The following PTPRZ1 variants were observed in gnomAD, a reference collection of about 807,000 sequenced individuals.
PTPRZ1 encodes the protein protein tyrosine phosphatase receptor type Z1, also known as receptor-type tyrosine-protein phosphatase zeta.
A neutral mutation model predicts 214.1 loss-of-function variants in PTPRZ1; 82 were observed. That is an observed-to-expected ratio of 0.38 (90% CI 0.32 to 0.46). The LOEUF is 0.46. Among genes scored for constraint, PTPRZ1 ranks in the 20% least tolerant of loss-of-function variants. The pLI is 1.00. For missense variants in PTPRZ1, 2,603 were observed against 2,748.7 expected (o/e 0.95, Z 1.19); for synonymous variants, 945 against 987.9 (o/e 0.96, Z 0.81).
At chr7:121,943,160 C>T (rs1423375332) in intron 2 of PTPRZ1, among the ~76,000 whole-genome samples, 3 of 151,918 alleles carry the variant, frequency 2.0e-5, no homozygotes, top group African/African-American at 4.8e-5. Flanking sequence ...TCTTTACAAG[C>T]GTGCTTTGTA....
chr7:121,973,202 A>C (rs994165240), intron 4 of PTPRZ1, among the ~76,000 whole-genome samples: 1 of 152,120 alleles, frequency 6.6e-6, no homozygotes, highest in Non-Finnish European at 1.5e-5. Context: ...ATTTAGTCTA[A>C]AAATTTAAAA....
chr7:121,930,386 A>G (rs1317484933), intron 2 of PTPRZ1, among the ~76,000 whole-genome samples: 5 of 152,160 alleles, frequency 3.3e-5, no homozygotes, highest in African/African-American at 1.2e-4. Context: ...TTATTTTTCT[A>G]TGTAAACAAA....
intron 2 of PTPRZ1, among the ~76,000 whole-genome samples, chr7:121,947,806 G>A (rs535874708): frequency 1.3e-5 from 2 of 152,034 alleles, no homozygotes; most frequent in Non-Finnish European, 2.9e-5. Flanking sequence ...ATCTGGCATG[G>A]TAACATATCA....
intron 1 of PTPRZ1, among the ~76,000 whole-genome samples, chr7:121,900,015 T>C (rs1045338680): frequency 6.6e-6 from 1 of 152,182 alleles, no homozygotes; most frequent in East Asian, 1.9e-4. Flanking sequence ...ATAGATACTC[T>C]CATGGCTGAA....
intron 4 of PTPRZ1, among the ~76,000 whole-genome samples, chr7:121,974,191 C>T (rs1284463843): frequency 1.3e-5 from 2 of 152,080 alleles, no homozygotes; most frequent in African/African-American, 2.4e-5. Context: ...CATTCATTTA[C>T]AGCTTATACT....
At chr7:122,059,960 C>A in intron 29 of PTPRZ1, 72 bp downstream of exon 29, 1 of 1,435,872 alleles carries the variant, frequency 7.0e-7, no homozygotes, top group Non-Finnish European at 9.4e-7. Context: ...CTGCTGAAAT[C>A]TTATGTATCA....
At chr7:122,016,633 T>A (rs1483686758) in intron 12 of PTPRZ1, among the ~76,000 whole-genome samples, 1 of 151,876 alleles carries the variant, frequency 6.6e-6, no homozygotes, top group Admixed American at 6.6e-5. Flanking sequence ...GTGTATACAG[T>A]GTCTGTATAT....
At chr7:121,882,671 A>G (rs1384832249) in intron 1 of PTPRZ1, among the ~76,000 whole-genome samples, 1 of 152,188 alleles carries the variant, frequency 6.6e-6, no homozygotes, top group Non-Finnish European at 1.5e-5. Context: ...AGATCTCTTT[A>G]TTTCAGGAAG....
intron 8 of PTPRZ1, among the ~76,000 whole-genome samples, chr7:121,992,180 A>G (rs1228954856): frequency 6.6e-6 from 1 of 152,130 alleles, no homozygotes; most frequent in African/African-American, 2.4e-5. Context: ...GTATCAATCC[A>G]TATTTTACTC....
At chr7:121,882,248 T>C (rs1336425219) in intron 1 of PTPRZ1, among the ~76,000 whole-genome samples, 1 of 152,222 alleles carries the variant, frequency 6.6e-6, no homozygotes, top group East Asian at 1.9e-4. Flanking sequence ...GCTGAACTTT[T>C]ACAAGATAGA....
intron 1 of PTPRZ1, among the ~76,000 whole-genome samples, chr7:121,896,375 G>A (rs1002960018): frequency 6.6e-6 from 1 of 151,998 alleles, no homozygotes; most frequent in African/African-American, 2.4e-5. Context: ...TCTATTTTCT[G>A]TGTCTAAGAG....
At chr7:122,050,458 A>AGGGGAGGGGAGGGGAAGGAAGG (rs1395912924) in intron 23 of PTPRZ1, among the ~76,000 whole-genome samples, 21 of 4,956 alleles carry the variant, frequency 4.2e-3, no homozygotes, top group East Asian at 5.5e-3. Flanking sequence ...GGGAGGGAAA[A>AGGGGAGGGGAGGGGAAGGAAGG]GGAGAGGAGG....
chr7:121,896,269 A>T (rs1794781035), intron 1 of PTPRZ1, among the ~76,000 whole-genome samples: 1 of 152,172 alleles, frequency 6.6e-6, no homozygotes, highest in Non-Finnish European at 1.5e-5. Context: ...GTTGTACAGG[A>T]TCTAACTAGA....
intron 2 of PTPRZ1, among the ~76,000 whole-genome samples, chr7:121,964,693 A>G (rs1375466357): frequency 3.3e-5 from 5 of 152,174 alleles, no homozygotes; most frequent in Non-Finnish European, 7.3e-5. Flanking sequence ...GGAGAGGGCA[A>G]GGAGAGTTAC....
At chr7:121,935,407 G>C (rs1285773912) in intron 2 of PTPRZ1, among the ~76,000 whole-genome samples, 1 of 152,166 alleles carries the variant, frequency 6.6e-6, no homozygotes. Flanking sequence ...TTCTTCTTCT[G>C]TCTGAGCTGG....
chr7:122,019,141 C>T lies in PTPRZ1; in HGVS notation c.4861C>T (p.His1621Tyr). 1 of 1,611,724 alleles carries T rather than the reference C, an allele frequency of 6.2e-7. No individual in the cohort carries two copies. Among genetic ancestry groups the T allele is most frequent in the Non-Finnish European group, 8.5e-7 (1 of 1,178,264 alleles). Reference protein sequence around the residue: ...VSEAEASNSSHESRIGLAEGL... With the variant: ...VSEAEASNSSYESRIGLAEGL... The stretch of plus-strand genomic sequence containing the variant: ...GACTACAGAGGCCAGTAATAGTAGC[C>T]ATGAGTCTCGTATTGGTCTAGCTGA... The change falls in exon 13 of 30, where the codon CAT becomes TAT. Residue 1621 changes from histidine to tyrosine, a missense_variant. His to Tyr is a moderately conservative substitution (Grantham distance 83). Coordinates refer to ENST00000393386, the MANE Select transcript of PTPRZ1 (RefSeq NM_002851.3).
chr7:121,899,315 C>T (rs987095642), intron 1 of PTPRZ1, among the ~76,000 whole-genome samples: 4 of 152,100 alleles, frequency 2.6e-5, no homozygotes, highest in Non-Finnish European at 5.9e-5. Flanking sequence ...CTAATACTTG[C>T]AAGTATATTC....
intron 10 of PTPRZ1, among the ~76,000 whole-genome samples, chr7:121,998,816 CT>C (rs1798227478): frequency 6.6e-6 from 1 of 151,952 alleles, no homozygotes; most frequent in Non-Finnish European, 1.5e-5. Flanking sequence ...TATATATATT[CT>C]TTGGTCATCC....
intron 12 of PTPRZ1, among the ~76,000 whole-genome samples, chr7:122,017,823 C>T (rs1207182424): frequency 6.6e-6 from 1 of 151,938 alleles, no homozygotes; most frequent in Non-Finnish European, 1.5e-5. Context: ...CCGCCTGCCT[C>T]AGCCTCTCAA....
Sources: allele counts gnomAD v4.1 joint callset (sites outside exome capture counted in the v4.1 genomes callset), GRCh38; gene constraint gnomAD v4.1.1; transcripts MANE v1.5; gene names NCBI Gene and HGNC (gene_info 2026-07-23, HGNC 2026-07-21).